Variants in STON1 observed in about 807,000 individuals in gnomAD.
The protein encoded by STON1 is stonin-1.
A neutral mutation model predicts 60.9 loss-of-function variants in STON1; 79 were observed. The ratio of observed to expected loss-of-function variants is 1.30; its 90% CI spans 1.08 to 1.56. The LOEUF (loss-of-function observed/expected upper bound fraction) is 1.56, where lower values mean the gene tolerates loss of function less well. STON1 is among the 40% of genes most tolerant of loss of function. The pLI is 0.00. For missense variants in STON1, 1,166 were observed against 858.9 expected (o/e 1.36, Z -4.47); for synonymous variants, 363 against 306.9 (o/e 1.18, Z -1.91).
intron 1 of STON1, among the ~76,000 whole-genome samples, chr2:48,565,651 T>C (rs2103850702): frequency 6.6e-6 from 1 of 152,300 alleles, no homozygotes; most frequent in East Asian, 1.9e-4. Flanking sequence ...GCAAGTTGTC[T>C]TGATGGTAAA....
Position 48,597,554 on chromosome 2 carries a change from C to G in STON1, c.*2252C>G, listed in dbSNP as rs925884560. The G allele has an allele frequency of 1.3e-5, 2 of 152,388 alleles. No homozygotes were observed. Among genetic ancestry groups the G allele is most frequent in the Admixed American group, 6.5e-5 (1 of 15,272 alleles). The allele number at this position is 152,388 out of a possible 1,614,324, so 9.4% of individuals were successfully genotyped here. A position where few individuals can be genotyped will look rare whatever the true frequency, so the allele number is the denominator to read the frequency against. On this transcript the variant is annotated 3_prime_UTR_variant, in exon 4 of 4. Coordinates refer to ENST00000404752, the MANE Select transcript of STON1 (RefSeq NM_006873.4). The stretch of plus-strand genomic sequence containing the variant: ...CAGGTTGACTAGTATCTGTGGGTAC[C>G]TCCCTGCCCAGGTTATTCACTCACA...
Position 48,533,582 on chromosome 2 carries a change from C to T in STON1, c.-48+3366C>T, listed in dbSNP as rs572130153. Among the ~76,000 whole-genome samples the T allele has an allele frequency of 1.4e-3, 191 of 139,168 alleles. 2 individuals are homozygous for T. Among genetic ancestry groups the T allele is most frequent in the Non-Finnish European group, 1.8e-3 (117 of 65,786 alleles). The allele number at this position is 139,168 out of a possible 152,430, so 91.3% of individuals were successfully genotyped here. On this transcript the variant is annotated intron_variant, in intron 1 of 3. Coordinates refer to ENST00000404752, the MANE Select transcript of STON1 (RefSeq NM_006873.4). Reference sequence around the variant, plus strand: ...GCAGGCACCTATAATGTCAGCTACTCGGGAGGCTGAAGCAGGTTGCAGGGA... The same window carrying T: ...GCAGGCACCTATAATGTCAGCTACTTGGGAGGCTGAAGCAGGTTGCAGGGA...
At chr2:48,530,359 C>T in intron 1 of STON1, 143 bp downstream of exon 1, 3 of 257,992 alleles carry the variant, frequency 1.2e-5, no homozygotes, top group South Asian at 1.1e-4. Context: ...TCCCCATCTC[C>T]CCGCGCCCGC....
intron 1 of STON1, among the ~76,000 whole-genome samples, chr2:48,554,078 T>C (rs1672210130): frequency 6.6e-6 from 1 of 152,060 alleles, no homozygotes; most frequent in Non-Finnish European, 1.5e-5. Context: ...TCCATCACCT[T>C]AGAGGTGGTG....
chr2:48,559,538 G>T (rs1304892082), intron 1 of STON1, among the ~76,000 whole-genome samples: 1 of 152,128 alleles, frequency 6.6e-6, no homozygotes, highest in Non-Finnish European at 1.5e-5. Context: ...TCACATTGGG[G>T]ATTAAGTTTC....
At chr2:48,553,462 T>C (rs1297956028) in intron 1 of STON1, among the ~76,000 whole-genome samples, 1 of 149,460 alleles carries the variant, frequency 6.7e-6, no homozygotes, top group Non-Finnish European at 1.5e-5. Context: ...TTTTGTTTTG[T>C]TTTTTTCCTG....
intron 1 of STON1, among the ~76,000 whole-genome samples, chr2:48,533,357 G>C (rs547131774): frequency 1.3e-5 from 2 of 151,958 alleles, no homozygotes; most frequent in African/African-American, 4.8e-5. Flanking sequence ...TTCAGCCTGG[G>C]CGACAGAGCG....
chr2:48,580,991 G>T lies in STON1; in HGVS notation c.358G>T (p.Glu120Ter). The T allele has an allele frequency of 1.3e-6, 2 of 1,574,448 alleles. No homozygotes were observed. Among genetic ancestry groups the T allele is most frequent in the Middle Eastern group, 1.7e-4 (1 of 5,856 alleles). The stretch of plus-strand genomic sequence containing the variant: ...CAGCCCACTCGCAATATCAGGAGGA[G>T]AATCTTCCTTACTGCCTACCAGACC... Reference protein sequence around the residue: ...SDSPLAISGGESSLLPTRPTC... With the variant: ...SDSPLAISGG Residue 120 changes from glutamate (E) to a stop codon, truncating the protein, a stop_gained, in exon 2 of 4, where the codon GAA becomes TAA. Coordinates refer to ENST00000404752, the MANE Select transcript of STON1 (RefSeq NM_006873.4). LOFTEE classifies it high-confidence loss of function.
At chr2:48,573,939 G>T (rs1378275148) in intron 1 of STON1, among the ~76,000 whole-genome samples, 1 of 152,216 alleles carries the variant, frequency 6.6e-6, no homozygotes, top group Non-Finnish European at 1.5e-5. Context: ...TATGTTGTAT[G>T]ATTCAGTTTA....
At chr2:48,592,393 A>C (rs1158035151) in intron 3 of STON1, among the ~76,000 whole-genome samples, 2 of 149,758 alleles carry the variant, frequency 1.3e-5, no homozygotes, top group African/African-American at 4.9e-5. Context: ...TCTGTGGAGC[A>C]TGCTTTAGGA....
intron 1 of STON1, among the ~76,000 whole-genome samples, chr2:48,578,686 T>A (rs890123672): frequency 6.1e-5 from 9 of 147,498 alleles, no homozygotes; most frequent in African/African-American, 2.2e-4. Flanking sequence ...CCTCTCAGGT[T>A]CAAGCAATTC....
rs1023619667 is a variant in STON1, at chr2:48,582,266, G to T, written c.1633G>T (p.Ala545Ser). ...CCAGGGAGCATACGTGGAACTTCAG[G>T]CTTTTGTCAACATGGCCTCATTGGC... ...VVQGAYVELQ[A>S]FVNMASLAQR... Residue 545 changes from alanine (A) to serine (S), a missense_variant, in exon 2 of 4, where the codon GCT becomes TCT. Coordinates refer to ENST00000404752, the MANE Select transcript of STON1 (RefSeq NM_006873.4). The T allele has an allele frequency of 1.9e-6, 3 of 1,614,168 alleles. No individual in the cohort carries two copies. The highest frequency in any genetic ancestry group is 2.7e-5 in the African/African-American group (2 of 75,020).
intron 2 of STON1, among the ~76,000 whole-genome samples, chr2:48,590,680 A>C (rs2103954760): frequency 9.2e-6 from 1 of 108,852 alleles, no homozygotes; most frequent in Non-Finnish European, 1.8e-5. Context: ...CCCATCTAAA[A>C]TCTTTGAAAT....
In STON1 at chr2:48,581,943, C is replaced by T. The variant is rs1215224912; in HGVS notation, c.1310C>T (p.Ala437Val). The change falls in exon 2 of 4, where the codon GCT (alanine) becomes GTT (valine). Residue 437 changes from alanine to valine, a missense_variant. Ala to Val is a moderately conservative substitution (Grantham distance 64, BLOSUM62 0). Transcript: ENST00000404752. Reference sequence around the variant, plus strand: ...AAAGAAGGAAAATTTGTTGAAAGTGCTGTGATAACTCAAATTTATTGCCTC... The same window carrying T: ...AAAGAAGGAAAATTTGTTGAAAGTGTTGTGATAACTCAAATTTATTGCCTC... ...VTKEGKFVES[A>V]VITQIYCLCF... is the part of the protein sequence containing the mutation. 3 of 1,614,020 alleles carry T rather than the reference C, an allele frequency of 1.9e-6. No homozygotes were observed. The East Asian group carries it at 6.7e-5, about 36-fold the overall frequency.
intron 1 of STON1, among the ~76,000 whole-genome samples, chr2:48,564,714 C>CTTCTTTCT (rs1204519245): frequency 6.2e-5 from 8 of 129,814 alleles, no homozygotes; most frequent in African/African-American, 2.3e-4. Flanking sequence ...TTCCTTATTT[C>CTTCTTTCT]TTCTTTCTTT....
At chr2:48,576,948 G>T (rs1463539516) in intron 1 of STON1, among the ~76,000 whole-genome samples, 1 of 151,928 alleles carries the variant, frequency 6.6e-6, no homozygotes, top group Non-Finnish European at 1.5e-5. Flanking sequence ...CAGCTACTTG[G>T]GAGGCTGAGG....
chr2:48,592,913 C>T (rs945108105), intron 3 of STON1, among the ~76,000 whole-genome samples: 2 of 152,024 alleles, frequency 1.3e-5, no homozygotes, highest in East Asian at 3.9e-4. Context: ...CCGTATCCAG[C>T]CTGGTATTAT....
At chr2:48,587,195 T>C (rs1486964926) in intron 2 of STON1, among the ~76,000 whole-genome samples, 2 of 152,242 alleles carry the variant, frequency 1.3e-5, no homozygotes, top group African/African-American at 2.4e-5. Context: ...GGTTGAGAAC[T>C]ACTGACGTGA....
At position 48,564,583 on chromosome 2, in the gene STON1, TCCTCCTCCTCCTCC is replaced by T. The variant is rs1558605922; in HGVS notation, c.-47-16003_-47-15990del. Among the ~76,000 whole-genome samples, 32 of 64,864 alleles carry T rather than the reference TCCTCCTCCTCCTCC, an allele frequency of 4.9e-4. 5 individuals carry two copies. The highest frequency in any genetic ancestry group is 9.6e-4 in the Non-Finnish European group (27 of 28,044). The allele number at this position is 64,864 out of a possible 152,430, so 42.6% of individuals were successfully genotyped here. On this transcript the variant is annotated intron_variant, in intron 1 of 3. Coordinates refer to ENST00000404752, the MANE Select transcript of STON1 (RefSeq NM_006873.4). ...CTTCTTCTTCTCCTTCTCCTTCTCC[TCCTCCTCCTCCTCC>T]TCCTCCTTCTCCTTCTCCTTCTCCT...
Sources: gnomAD v4.1 joint callset for allele counts (sites outside exome capture counted in the v4.1 genomes callset) on GRCh38, gnomAD v4.1.1 for gene constraint, MANE v1.5 for transcripts, NCBI Gene and HGNC (gene_info 2026-07-23, HGNC 2026-07-21) for gene names.